The following NPC1L1 variants were observed in gnomAD, a reference collection of about 807,000 sequenced individuals.
The protein encoded by NPC1L1 is NPC1-like intracellular cholesterol transporter 1.
A neutral mutation model predicts 117.0 loss-of-function variants in NPC1L1; 98 were observed. That is an observed-to-expected ratio of 0.84 (90% CI 0.71 to 0.99). The LOEUF is 0.99. Among genes scored for constraint, NPC1L1 ranks in the 50% least tolerant of loss-of-function variants. The pLI, the probability that NPC1L1 is intolerant of heterozygous loss-of-function variation, is 0.00. For synonymous variants in NPC1L1, 729 were observed against 727.6 expected, an observed-to-expected ratio of 1.00 and a Z score of -0.03; for missense variants, 1,540 against 1,710.0, an observed-to-expected ratio of 0.90 and a Z score of 1.75.
rs540270760 is a variant in NPC1L1, at chr7:44,538,597, C to T, written c.1580+220G>A. ...GGGGTTGAAGGGCCAGCGATGGCCACGCACAAACCTGCAGCCATGAGCAGG... is the reference window on the plus strand; with the variant it reads ...GGGGTTGAAGGGCCAGCGATGGCCATGCACAAACCTGCAGCCATGAGCAGG... On this transcript the variant is annotated intron_variant, in intron 2 of 18. Transcript: ENST00000381160. The surrounding 1 kb of genome is among the most constrained non-coding windows in gnomAD (Gnocchi z 5.9). Among the ~76,000 whole-genome samples the T allele has an allele frequency of 6.6e-5, 10 of 152,352 alleles. No individual in the cohort carries two copies. The highest frequency in any genetic ancestry group is 1.4e-4 in the African/African-American group (6 of 41,574).
rs746790019 is a variant in NPC1L1, at chr7:44,522,231, C to G, written c.2649G>C (p.Leu883=). 1.1e-5 allele frequency: 17 copies of G among 1,613,114 alleles called. No homozygotes were observed. Among genetic ancestry groups the G allele is most frequent in the Non-Finnish European group, 1.4e-5 (16 of 1,179,678 alleles). ...GGTTCAGAAAGAGGAAATAGTCAAG[C>G]AGGTACGAGTCCTAGGAGTGGAGGA... ...QELALPKDSY[L]LDYFLFLNRY... is the part of the protein sequence containing the mutation. The change falls in exon 11 of 19, where the codon CTG becomes CTC. Residue 883 remains leucine (L), a synonymous_variant. Coordinates refer to ENST00000381160, the MANE Select transcript of NPC1L1 (RefSeq NM_001101648.2).
At chr7:44,533,585 G>T in intron 7 of NPC1L1, 27 bp from the exon 8 acceptor site, 1 of 1,614,052 alleles carries the variant, frequency 6.2e-7, no homozygotes, top group Non-Finnish European at 8.5e-7. Context: ...GGCTGTCAGG[G>T]CACCCTGGCT....
In NPC1L1 at chr7:44,540,237, T is replaced by C; in HGVS notation, c.160A>G (p.Asn54Asp). Reference protein sequence around the residue: ...ELSGSLMTLSNVSCLSNTPAR... With the variant: ...ELSGSLMTLSDVSCLSNTPAR... ...GGCGTGTTGGACAGGCAGGACACGT[T>C]GGAGAGTGTCATGAGGCTTCCAGAC... Residue 54 changes from asparagine to aspartate, a missense_variant, in exon 2 of 19, where the codon AAC becomes GAC. Physicochemically the swap from Asn to Asp is conservative, Grantham distance 23 (BLOSUM62 1). Around this residue, in one of 3 missense-constraint regions of NPC1L1, gnomAD observed 793 missense variants for 820.4 expected, o/e 0.97. Transcript: ENST00000381160. 1 of 1,613,996 alleles carries C rather than the reference T, an allele frequency of 6.2e-7. No homozygotes were observed.
rs1460221995 is a variant in NPC1L1, at chr7:44,520,814, C to A, written c.3087G>T (p.Leu1029=). The change falls in exon 14 of 19, where the codon CTG becomes CTT. Residue 1029 remains leucine, a synonymous_variant. Transcript: ENST00000381160. The stretch of plus-strand genomic sequence containing the variant: ...AGTTCACAGAGGTGCTGTATGCTGC[C>A]AGGCCGCTGCAAGAAGGTCAGGGCA... ...RPNIKCPKGG[L]AAYSTSVNLT... 5.6e-6 allele frequency: 9 copies of A among 1,614,030 alleles called. No homozygotes were observed. The highest frequency in any genetic ancestry group is 7.6e-6 in the Non-Finnish European group (9 of 1,180,014).
intron 10 of NPC1L1, among the ~76,000 whole-genome samples, chr7:44,530,306 C>T (rs1563206741): frequency 2.0e-5 from 3 of 152,240 alleles, no homozygotes; most frequent in Non-Finnish European, 4.4e-5. Context: ...CCATTGCACT[C>T]CAGCCTGGGC....
At chr7:44,525,005 T>C (rs940750664) in intron 10 of NPC1L1, among the ~76,000 whole-genome samples, 2 of 151,810 alleles carry the variant, frequency 1.3e-5, no homozygotes, top group African/African-American at 4.8e-5. Context: ...TTACTGAGTC[T>C]GAAGAAGAGA....
chr7:44,540,594 A>C (rs1318007858), intron 1 of NPC1L1, among the ~76,000 whole-genome samples: 1 of 152,072 alleles, frequency 6.6e-6, no homozygotes, highest in East Asian at 1.9e-4. Context: ...GAGGCCAGAG[A>C]TGGGTAAGGA....
At chr7:44,526,611 C>T (rs527441009) in intron 10 of NPC1L1, among the ~76,000 whole-genome samples, 1 of 151,068 alleles carries the variant, frequency 6.6e-6, no homozygotes, top group African/African-American at 2.4e-5. Context: ...TGAGGTGATT[C>T]GTCCTATAAT....
At position 44,539,756 on chromosome 7, in the gene NPC1L1, G is replaced by A. The variant is rs777166132; in HGVS notation, c.641C>T (p.Ala214Val). ...GAGGTGGAAGGTGATGTCCAGTGGGGCCAGACCATTGCCTGTGTCTCCCTG... is the reference window on the plus strand; with the variant it reads ...GAGGTGGAAGGTGATGTCCAGTGGGACCAGACCATTGCCTGTGTCTCCCTG... ...NFQGDTGNGL[A>V]PLDITFHLLE... is the part of the protein sequence containing the mutation. Residue 214 changes from alanine (A) to valine (V), a missense_variant, in exon 2 of 19, where the codon GCC becomes GTC. By Grantham distance (64) the Ala-to-Val change is moderately conservative. Coordinates refer to ENST00000381160, the MANE Select transcript of NPC1L1 (RefSeq NM_001101648.2). This position sits in a 1 kb window ranked among gnomAD's most constrained non-coding sequence, Gnocchi z 4.4. 1 of 1,614,160 alleles carries A rather than the reference G, an allele frequency of 6.2e-7. No homozygotes were observed.
Position 44,539,640 on chromosome 7 carries a change from T to C in NPC1L1, c.757A>G (p.Thr253Ala), listed in dbSNP as rs1802020447. ...CNESQGDDVA[T>A]CSCQDCAASC... ...GCAGCACAGTCTTGGCAGGAGCAGG[T>C]CGCCACGTCGTCACCTTGGGACTCA... Residue 253 changes from threonine to alanine, a missense_variant, in exon 2 of 19, where the codon ACC (threonine) becomes GCC (alanine). Transcript: ENST00000381160. The surrounding 1 kb of genome is among the most constrained non-coding windows in gnomAD (Gnocchi z 4.4). 1 of 1,613,546 alleles carries C rather than the reference T, an allele frequency of 6.2e-7. No individual in the cohort carries two copies. Among genetic ancestry groups the C allele is most frequent in the Admixed American group, 1.7e-5 (1 of 60,000 alleles).
chr7:44,531,897 C>A lies in NPC1L1; in HGVS notation c.2548-53G>T. On this transcript the variant is annotated intron_variant, in intron 9 of 18. Transcript: ENST00000381160. The stretch of plus-strand genomic sequence containing the variant: ...ACCCTGCCCAACAGCCGTCCCCCAT[C>A]TCCCCACAAATTTAAGTCAGTCAGG... 11 of 1,538,432 alleles carry A rather than the reference C, an allele frequency of 7.2e-6. No individual in the cohort carries two copies. In the South Asian group the frequency reaches 1.3e-4, roughly 18 times the overall value.
intron 10 of NPC1L1, among the ~76,000 whole-genome samples, chr7:44,531,414 C>T (rs1230087343): frequency 6.6e-6 from 1 of 152,256 alleles, no homozygotes; most frequent in African/African-American, 2.4e-5. Flanking sequence ...CCCCTGCCCT[C>T]CCCGGGCTTC....
rs1801800430 is a variant in NPC1L1 at position 44,534,443 on chromosome 7, T to C, written c.2166+4A>G. The C allele has an allele frequency of 6.2e-7, 1 of 1,613,930 alleles. No individual in the cohort carries two copies. Among genetic ancestry groups the C allele is most frequent in the Non-Finnish European group, 8.5e-7 (1 of 1,179,868 alleles). On this transcript the variant is annotated splice_donor_region_variant and intron_variant, in intron 6 of 18. Coordinates refer to ENST00000381160, the MANE Select transcript of NPC1L1 (RefSeq NM_001101648.2). The surrounding 1 kb of genome is among the most constrained non-coding windows in gnomAD (Gnocchi z 5.2). ...GGGGGTGTGGAGAGCTCCTCCCTTCTTACCTGGTACTCGAGAACAAAGATG... is the reference window on the plus strand; with the variant it reads ...GGGGGTGTGGAGAGCTCCTCCCTTCCTACCTGGTACTCGAGAACAAAGATG...
chr7:44,524,134 A>G (rs1801438619), intron 10 of NPC1L1, among the ~76,000 whole-genome samples: 1 of 152,242 alleles, frequency 6.6e-6, no homozygotes, highest in African/African-American at 2.4e-5. Context: ...AACCATAAAT[A>G]TAGGGATATT....
intron 1 of NPC1L1, among the ~76,000 whole-genome samples, chr7:44,540,743 C>A (rs1802076402): frequency 6.6e-6 from 1 of 152,002 alleles, no homozygotes. Flanking sequence ...CCACCACTAC[C>A]ACCACCTGCT....
chr7:44,516,557 G>C (rs1218200421), intron 16 of NPC1L1, 146 bp downstream of exon 16: 4 of 745,070 alleles, frequency 5.4e-6, no homozygotes, highest in Non-Finnish European at 9.2e-6. Flanking sequence ...AGTGAGCTGT[G>C]ATCATGTCAC....
In NPC1L1 at chr7:44,513,438, C is replaced by A. The variant is rs1426633657; in HGVS notation, c.*9G>T. 6.2e-7 allele frequency: 1 copy of A among 1,613,570 alleles called. No individual in the cohort carries two copies. The highest frequency in any genetic ancestry group is 1.3e-5 in the African/African-American group (1 of 74,924). ...GGGCCATAGAGCCTAGACAGGGCCTCTGGCTGTATCAGAACTGCCGCCCAT... is the reference window on the plus strand; with the variant it reads ...GGGCCATAGAGCCTAGACAGGGCCTATGGCTGTATCAGAACTGCCGCCCAT... On this transcript the variant is annotated 3_prime_UTR_variant, in exon 19 of 19. Coordinates refer to ENST00000381160, the MANE Select transcript of NPC1L1 (RefSeq NM_001101648.2).
chr7:44,534,453 C>G lies in NPC1L1; in HGVS notation c.2160G>C (p.Glu720Asp). The G allele has an allele frequency of 6.2e-7, 1 of 1,614,058 alleles. No individual in the cohort carries two copies. The highest frequency in any genetic ancestry group is 8.5e-7 in the Non-Finnish European group (1 of 1,179,944). The change falls in exon 6 of 19, where the codon GAG (glutamate) becomes GAC (aspartate). Residue 720 changes from glutamate to aspartate, a missense_variant. Physicochemically the swap from Glu to Asp is conservative, Grantham distance 45. This residue lies in a region of NPC1L1 where 742 missense variants were observed against 873.6 expected (regional missense o/e 0.85). Coordinates refer to ENST00000381160, the MANE Select transcript of NPC1L1 (RefSeq NM_001101648.2). This position sits in a 1 kb window ranked among gnomAD's most constrained non-coding sequence, Gnocchi z 5.2. ...GADNIFIFVL[E>D]YQRLPRRPGE... ...AGAGCTCCTCCCTTCTTACCTGGTA[C>G]TCGAGAACAAAGATGAAGATGTTAT...
Position 44,536,407 on chromosome 7 carries a change from T to C in NPC1L1, c.1703A>G (p.Glu568Gly). 6.2e-7 allele frequency: 1 copy of C among 1,613,528 alleles called. No homozygotes were observed. Among genetic ancestry groups the C allele is most frequent in the Non-Finnish European group, 8.5e-7 (1 of 1,180,018 alleles). Reference sequence around the variant, plus strand: ...GAGGGAGAACGTCATGATCAGGGCCTCTGCCTCAGAATAGTCCTTTCCTGG... The same window carrying C: ...GAGGGAGAACGTCATGATCAGGGCCCCTGCCTCAGAATAGTCCTTTCCTGG... ...GYKGKDYSEA[E>G]ALIMTFSLNN... The change falls in exon 4 of 19, where the codon GAG (glutamate) becomes GGG (glycine). Residue 568 changes from glutamate (E) to glycine (G), a missense_variant. Around this residue, in one of 3 missense-constraint regions of NPC1L1, gnomAD observed 793 missense variants for 820.4 expected, o/e 0.97. Transcript: ENST00000381160. This position sits in a 1 kb window ranked among gnomAD's most constrained non-coding sequence, Gnocchi z 4.7.
Sources: allele counts gnomAD v4.1 joint callset (sites outside exome capture counted in the v4.1 genomes callset), GRCh38; gene constraint gnomAD v4.1.1; regional missense constraint gnomAD v4.1.1; non-coding constraint Gnocchi (gnomAD v3.1); transcripts MANE v1.5; gene names NCBI Gene and HGNC (gene_info 2026-07-23, HGNC 2026-07-21).